Variants in FGFR2 observed in about 807,000 individuals in gnomAD.
FGFR2 encodes the protein fibroblast growth factor receptor 2, also known as BEK fibroblast growth factor receptor.
In FGFR2, 19 loss-of-function variants were observed where a neutral mutation model predicts 95.9. The observed-to-expected ratio is 0.20, with a 90% CI of 0.14 to 0.29. The LOEUF (loss-of-function observed/expected upper bound fraction) is 0.29, where lower values mean the gene tolerates loss of function less well. Ranked by LOEUF, FGFR2 falls within the 10% of genes least tolerant of loss-of-function variation. FGFR2 has a pLI of 1.00. For missense variants in FGFR2, 707 were observed against 1,056.9 expected (o/e 0.67, Z 4.59); for synonymous variants, 392 against 393.3 (o/e 1.00, Z 0.04).
intron 5 of FGFR2, among the ~76,000 whole-genome samples, chr10:121,540,650 T>A (rs1589914854): frequency 6.6e-6 from 1 of 152,266 alleles, no homozygotes; most frequent in East Asian, 1.9e-4. Flanking sequence ...AATGATTCTC[T>A]CTTTGCCTAC....
At chr10:121,496,506 A>C in intron 13 of FGFR2, 26 bp downstream of exon 13, 2 of 1,611,970 alleles carry the variant, frequency 1.2e-6, no homozygotes, top group Non-Finnish European at 1.7e-6. Context: ...GATTCCACCC[A>C]GCCAAGTAGA....
At chr10:121,506,869 T>C (rs1331679104) in intron 9 of FGFR2, among the ~76,000 whole-genome samples, 1 of 152,216 alleles carries the variant, frequency 6.6e-6, no homozygotes. Flanking sequence ...ATGTAATTCT[T>C]TTATGTTCTA....
intron 5 of FGFR2, among the ~76,000 whole-genome samples, chr10:121,540,710 C>G (rs908034580): frequency 1.3e-5 from 2 of 152,148 alleles, no homozygotes; most frequent in African/African-American, 4.8e-5. Flanking sequence ...CACGGGTCCC[C>G]ACGTCACCAA....
chr10:121,496,728 G>A lies in FGFR2; in HGVS notation c.1673-6C>T, dbSNP rs1016861912. ...AACTATGACATAGAGAGGCCCTGTT[G>A]AGGAAGAAGAGAAGCTCCCTAAAGA... On this transcript the variant is annotated splice_region_variant and splice_polypyrimidine_tract_variant and intron_variant, in intron 12 of 17. Coordinates refer to ENST00000358487, the MANE Select transcript of FGFR2 (RefSeq NM_000141.5). The A allele has an allele frequency of 1.2e-6, 2 of 1,611,494 alleles. No individual in the cohort carries two copies. Among genetic ancestry groups the A allele is most frequent in the Non-Finnish European group, 8.5e-7 (1 of 1,179,792 alleles).
intron 6 of FGFR2, among the ~76,000 whole-genome samples, chr10:121,527,425 A>C (rs112905923): frequency 4.6e-5 from 7 of 152,332 alleles, no homozygotes; most frequent in African/African-American, 1.4e-4. Context: ...TACGTTCGAA[A>C]TTGGTCTCTT....
At chr10:121,484,417 G>A (rs3135809) in intron 16 of FGFR2, among the ~76,000 whole-genome samples, 2,501 of 151,950 alleles carry the variant, frequency 0.016, 78 homozygotes, top group African/African-American at 0.058. Context: ...GATCCTCTAC[G>A]TTACAAAAGA....
chr10:121,505,125 G>A (rs1397366504), intron 9 of FGFR2, among the ~76,000 whole-genome samples: 1 of 152,192 alleles, frequency 6.6e-6, no homozygotes, highest in Non-Finnish European at 1.5e-5. Context: ...ATTTAGGTGG[G>A]ATGAACTTTC....
intron 1 of FGFR2, 199 bp from the exon 2 acceptor site, chr10:121,594,166 T>C: frequency 2.1e-6 from 1 of 466,034 alleles, no homozygotes. Context: ...GTGAGGCTAA[T>C]CTTTTTAAAA....
intron 9 of FGFR2, among the ~76,000 whole-genome samples, chr10:121,505,975 C>A (rs987904441): frequency 5.3e-5 from 8 of 152,152 alleles, no homozygotes; most frequent in Non-Finnish European, 7.3e-5. Context: ...TCTGAAAGTT[C>A]TTCCCCATGA....
chr10:121,521,943 C>T (rs567365080), intron 6 of FGFR2, among the ~76,000 whole-genome samples: 1 of 152,276 alleles, frequency 6.6e-6, no homozygotes, highest in South Asian at 2.1e-4. Context: ...GCTATATACA[C>T]AACGGAATAC....
intron 5 of FGFR2, among the ~76,000 whole-genome samples, chr10:121,540,417 A>C (rs1393844916): frequency 6.6e-6 from 1 of 152,130 alleles, no homozygotes; most frequent in Non-Finnish European, 1.5e-5. Flanking sequence ...AGAGATAAGC[A>C]CCTTCCATGC....
chr10:121,485,795 T>C lies in FGFR2; in HGVS notation c.2058-263A>G, dbSNP rs528730649. ...CTGGAATAGAGCTGCTTGTCTTAAA[T>C]GTGGTGTTAGCAATGCAAGGATCTC... On this transcript the variant is annotated intron_variant, in intron 15 of 17. Transcript: ENST00000358487. The surrounding 1 kb of genome is among the most constrained non-coding windows in gnomAD (Gnocchi z 4.2). Among the ~76,000 whole-genome samples the C allele has an allele frequency of 6.6e-6, 1 of 152,214 alleles. No homozygotes were observed. The highest frequency in any genetic ancestry group is 1.5e-5 in the Non-Finnish European group (1 of 68,038).
At chr10:121,487,296 G>T in intron 15 of FGFR2, 58 bp downstream of exon 15, 1 of 1,329,962 alleles carries the variant, frequency 7.5e-7, no homozygotes, top group Non-Finnish European at 1.1e-6. Flanking sequence ...GGTGAAGTAC[G>T]TACAGTATTT....
At chr10:121,520,897 C>A (rs564544129) in intron 6 of FGFR2, among the ~76,000 whole-genome samples, 1 of 152,378 alleles carries the variant, frequency 6.6e-6, no homozygotes, top group Admixed American at 6.5e-5. Context: ...CCTGCCTTGG[C>A]CTCCCAAATT....
intron 17 of FGFR2, among the ~76,000 whole-genome samples, chr10:121,482,333 T>C (rs1247435666): frequency 6.6e-6 from 1 of 152,218 alleles, no homozygotes; most frequent in Admixed American, 6.5e-5. Context: ...GCTGTATTCA[T>C]TTAAGTGCAA....
At chr10:121,533,072 G>C (rs1322729701) in intron 6 of FGFR2, among the ~76,000 whole-genome samples, 3 of 152,166 alleles carry the variant, frequency 2.0e-5, no homozygotes, top group African/African-American at 7.2e-5. Context: ...GGACAGGCAG[G>C]GGGAACAAAT....
intron 5 of FGFR2, among the ~76,000 whole-genome samples, chr10:121,549,641 G>A (rs2134789940): frequency 6.6e-6 from 1 of 152,000 alleles, no homozygotes; most frequent in Middle Eastern, 3.4e-3. Context: ...TCTCTCTCTG[G>A]CTCCTCCTTT....
chr10:121,566,462 C>G (rs1857687577), intron 2 of FGFR2, among the ~76,000 whole-genome samples: 1 of 152,160 alleles, frequency 6.6e-6, no homozygotes, highest in African/African-American at 2.4e-5. Context: ...CTGTGTGCCC[C>G]CGACTCCACA....
At chr10:121,584,452 C>A (rs1174320900) in intron 2 of FGFR2, among the ~76,000 whole-genome samples, 1 of 11,320 alleles carries the variant, frequency 8.8e-5, no homozygotes, top group Admixed American at 8.0e-4. Flanking sequence ...TAACCCCTCT[C>A]CATCCCGCAC....
Sources: gnomAD v4.1 joint callset for allele counts (sites outside exome capture counted in the v4.1 genomes callset) on GRCh38, gnomAD v4.1.1 for gene constraint, Gnocchi (gnomAD v3.1) non-coding constraint, MANE v1.5 for transcripts, NCBI Gene and HGNC (gene_info 2026-07-23, HGNC 2026-07-21) for gene names.